Variants in TMEM63C observed in about 807,000 individuals in gnomAD.
The protein encoded by TMEM63C is osmosensitive cation channel TMEM63C.
Under a neutral mutation model 99.2 loss-of-function variants are expected in TMEM63C, and 32 were observed. That is an observed-to-expected ratio of 0.32 (90% confidence interval 0.24 to 0.43). The LOEUF (loss-of-function observed/expected upper bound fraction) is 0.43, where lower values mean the gene tolerates loss of function less well. Ranked by LOEUF, TMEM63C falls within the 20% of genes least tolerant of loss-of-function variation. The pLI is 1.00. For synonymous variants in TMEM63C, 376 were observed against 397.9 expected (o/e 0.94, Z 0.66); for missense variants, 826 against 1,053.0 (o/e 0.78, Z 2.98).
chr14:77,225,046 C>T (rs985505457), intron 5 of TMEM63C, among the ~76,000 whole-genome samples: 2 of 152,114 alleles, frequency 1.3e-5, no homozygotes, highest in Non-Finnish European at 2.9e-5. Flanking sequence ...AACTCCCACT[C>T]GGACAGAGTA....
intron 1 of TMEM63C, among the ~76,000 whole-genome samples, chr14:77,203,826 T>C (rs974906765): frequency 7.2e-5 from 11 of 152,168 alleles, no homozygotes; most frequent in Non-Finnish European, 1.6e-4. Context: ...CAGCAGGAGG[T>C]GGGGTGTGAT....
intron 2 of TMEM63C, among the ~76,000 whole-genome samples, chr14:77,214,341 G>A (rs1270396442): frequency 2.0e-5 from 3 of 152,010 alleles, no homozygotes; most frequent in South Asian, 2.1e-4. Context: ...AGCGATGAGT[G>A]AGCGTTGGAG....
intron 5 of TMEM63C, among the ~76,000 whole-genome samples, chr14:77,222,945 C>T (rs1437840379): frequency 6.6e-6 from 1 of 152,236 alleles, no homozygotes; most frequent in Admixed American, 6.5e-5. Flanking sequence ...CACCACTGCA[C>T]CCCACATCCA....
chr14:77,255,996 C>T (rs1457857579), intron 23 of TMEM63C, among the ~76,000 whole-genome samples: 4 of 152,220 alleles, frequency 2.6e-5, no homozygotes, highest in Non-Finnish European at 5.9e-5. Flanking sequence ...CTTCCTAGTA[C>T]ATCCTGTGTT....
intron 13 of TMEM63C, among the ~76,000 whole-genome samples, chr14:77,242,004 G>T (rs1263012744): frequency 3.9e-5 from 6 of 152,226 alleles, no homozygotes. Flanking sequence ...ATTAAGATGA[G>T]GCTAAAAGTA....
chr14:77,243,856 C>G (rs545049735), intron 15 of TMEM63C, among the ~76,000 whole-genome samples: 24 of 152,156 alleles, frequency 1.6e-4, no homozygotes, highest in African/African-American at 5.8e-4. Flanking sequence ...CACGCACACA[C>G]ATACAGTCAA....
chr14:77,227,833 CAG>C (rs1888856650), intron 6 of TMEM63C, among the ~76,000 whole-genome samples: 1 of 151,996 alleles, frequency 6.6e-6, no homozygotes, highest in Non-Finnish European at 1.5e-5. Flanking sequence ...GTCCAAGACA[CAG>C]AGGCAGAGAA....
At chr14:77,191,067 T>G (rs1295926475) in intron 1 of TMEM63C, among the ~76,000 whole-genome samples, 1 of 152,202 alleles carries the variant, frequency 6.6e-6, no homozygotes, top group African/African-American at 2.4e-5. Context: ...ATAGCTTGTT[T>G]GTATATAAAC....
In TMEM63C at chr14:77,258,908, T is replaced by C. The variant is rs1199781215; in HGVS notation, c.*2182T>C. ...CTCTGAACCTGGGTCCAGTGTAGCC[T>C]GGCTCTGAGAGAAGGTGGTGAGCAT... is the stretch of plus-strand genomic sequence containing the variant. On this transcript the variant is annotated 3_prime_UTR_variant, in exon 24 of 24. Coordinates refer to ENST00000298351, the MANE Select transcript of TMEM63C (RefSeq NM_020431.4). The C allele has an allele frequency of 6.6e-6, 1 of 152,320 alleles. No homozygotes were observed. The highest frequency in any genetic ancestry group is 1.5e-5 in the Non-Finnish European group (1 of 68,126). 9.4% of individuals were successfully genotyped at this position (152,320 alleles called of 1,614,324 possible). A position where few individuals can be genotyped will look rare whatever the true frequency, so the allele number is the denominator to read the frequency against.
In TMEM63C at chr14:77,251,889, C is replaced by T. The variant is rs201697333; in HGVS notation, c.2139C>T (p.Ala713=). ...TTCTGGGGAAGCTTCGGATGGTTGC[C>T]GACTACGAGGTGAGTTGCCAGCCTG... ...GIFLGKLRMV[A]DYEPEEEEIQ... The change falls in exon 22 of 24, where the codon GCC becomes GCT. Residue 713 remains alanine, a synonymous_variant. Coordinates refer to ENST00000298351, the MANE Select transcript of TMEM63C (RefSeq NM_020431.4). 326 of 1,613,444 alleles carry T rather than the reference C, an allele frequency of 2.0e-4. 1 individual carries two copies. Among genetic ancestry groups the T allele is most frequent in the Middle Eastern group, 9.9e-4 (6 of 6,062 alleles).
intron 6 of TMEM63C, among the ~76,000 whole-genome samples, chr14:77,229,750 C>G (rs1388856826): frequency 2.6e-5 from 4 of 151,506 alleles, no homozygotes; most frequent in Non-Finnish European, 5.9e-5. Flanking sequence ...CCATGCCCAG[C>G]CACAAATGCT....
intron 20 of TMEM63C, 140 bp downstream of exon 20, chr14:77,249,012 G>A: frequency 1.2e-6 from 1 of 857,444 alleles, no homozygotes; most frequent in Non-Finnish European, 1.9e-6. Flanking sequence ...CCAAGCTGGG[G>A]GTACAGGGCA....
intron 13 of TMEM63C, 102 bp from the exon 14 acceptor site, chr14:77,242,245 G>A: frequency 1.5e-6 from 2 of 1,325,372 alleles, no homozygotes; most frequent in East Asian, 2.3e-5. Context: ...GCCCCCATCT[G>A]TAGGACCACC....
Position 77,248,795 on chromosome 14 carries a change from G to A in TMEM63C, c.1793G>A (p.Arg598His), listed in dbSNP as rs191028187. 1.5e-5 allele frequency: 25 copies of A among 1,614,084 alleles called. No homozygotes were observed. The highest frequency in any genetic ancestry group is 5.3e-5 in the African/African-American group (4 of 75,066). ...CAGGCCATAGACTTCCAGTTTGGGC[G>A]TGAGTATGCGTGGATGATGAACGTG... Reference protein sequence around the residue: ...KNQAIDFQFGREYAWMMNVFS... With the variant: ...KNQAIDFQFGHEYAWMMNVFS... The change falls in exon 20 of 24, where the codon CGT becomes CAT. Residue 598 changes from arginine (R) to histidine (H), a missense_variant. Coordinates refer to ENST00000298351, the MANE Select transcript of TMEM63C (RefSeq NM_020431.4).
At chr14:77,207,443 C>A (rs769096554) in intron 1 of TMEM63C, among the ~76,000 whole-genome samples, 10 of 152,202 alleles carry the variant, frequency 6.6e-5, no homozygotes, top group Non-Finnish European at 7.3e-5. Context: ...AGATGTAGTA[C>A]AGATGTGGGA....
At position 77,246,067 on chromosome 14, in the gene TMEM63C, C is replaced by G. The variant is rs373469020; in HGVS notation, c.1535+41C>G. The G allele has an allele frequency of 8.7e-6, 13 of 1,502,300 alleles. No homozygotes were observed. The Middle Eastern group carries it at 8.5e-4, about 99-fold the overall frequency. 93.1% of individuals were successfully genotyped at this position (1,502,300 alleles called of 1,614,324 possible). The stretch of plus-strand genomic sequence containing the variant: ...TTATCCCTTCCTTCTTAGCCAGGCT[C>G]TCTTAGAGTTAAGACCTCCTCTTTC... On this transcript the variant is annotated intron_variant, in intron 17 of 23. Coordinates refer to ENST00000298351, the MANE Select transcript of TMEM63C (RefSeq NM_020431.4).
intron 1 of TMEM63C, among the ~76,000 whole-genome samples, chr14:77,182,767 A>G (rs1186792514): frequency 6.6e-6 from 1 of 152,196 alleles, no homozygotes; most frequent in Non-Finnish European, 1.5e-5. Context: ...AAAATTGCTC[A>G]TGAAAAACAC....
chr14:77,208,488 G>A (rs182319518), intron 1 of TMEM63C, among the ~76,000 whole-genome samples: 67 of 152,324 alleles, frequency 4.4e-4, no homozygotes, highest in African/African-American at 1.5e-3. Context: ...GAGCACCAGG[G>A]AGATCGCCTC....
chr14:77,190,268 G>A (rs1888080579), intron 1 of TMEM63C, among the ~76,000 whole-genome samples: 1 of 152,038 alleles, frequency 6.6e-6, no homozygotes, highest in South Asian at 2.1e-4. Context: ...AATCACTGAA[G>A]AAACTGAGTT....
Sources: gnomAD v4.1 joint callset for allele counts (sites outside exome capture counted in the v4.1 genomes callset) on GRCh38, gnomAD v4.1.1 for gene constraint, MANE v1.5 for transcripts, NCBI Gene and HGNC (gene_info 2026-07-23, HGNC 2026-07-21) for gene names.